ANKRD11: variants seen among roughly 807,000 people sequenced by gnomAD.
ANKRD11 encodes ankyrin repeat domain-containing protein 11.
Under a neutral mutation model 195.7 loss-of-function variants are expected in ANKRD11, and 17 were observed. That is an observed-to-expected ratio of 0.09 (90% CI 0.06 to 0.13). The LOEUF (loss-of-function observed/expected upper bound fraction) is 0.13. Among genes scored for constraint, ANKRD11 ranks in the 10% least tolerant of loss-of-function variants. The pLI is 1.00. For missense variants in ANKRD11, 3,735 were observed against 3,566.1 expected, an observed-to-expected ratio of 1.05 and a Z score of -1.21; for synonymous variants, 1,953 against 1,528.1, an observed-to-expected ratio of 1.28 and a Z score of -6.49.
In ANKRD11 at chr16:89,421,066, CGGAGTCAG is replaced by C. The variant is rs568388611; in HGVS notation, c.-144-2706_-144-2699del. On this transcript the variant is annotated intron_variant, in intron 1 of 12. Coordinates refer to ENST00000301030, the MANE Select transcript of ANKRD11 (RefSeq NM_013275.6). ...GACATGAAGGGTCAGTGTGTGATGA[CGGAGTCAG>C]GGAGTCAGGGATGGGACCATCACCC... 4.7e-3 allele frequency among the ~76,000 whole-genome samples: 714 copies of C among 151,430 alleles called. 7 individuals are homozygous for C. The highest frequency in any genetic ancestry group is 7.3e-3 in the Non-Finnish European group (492 of 67,786).
intron 4 of ANKRD11, among the ~76,000 whole-genome samples, chr16:89,302,330 GCAACCT>G (rs1163410149): frequency 6.6e-6 from 1 of 152,332 alleles, no homozygotes; most frequent in East Asian, 1.9e-4. Flanking sequence ...TTGGCTCACT[GCAACCT>G]CCACCTATTG....
intron 2 of ANKRD11, among the ~76,000 whole-genome samples, chr16:89,382,965 C>A (rs1320312919): frequency 6.6e-6 from 1 of 152,218 alleles, no homozygotes; most frequent in Non-Finnish European, 1.5e-5. Flanking sequence ...CTCAGCCTCC[C>A]GAGGAGCTGG....
At chr16:89,288,350 C>G in intron 7 of ANKRD11, 178 bp downstream of exon 7, 1 of 1,039,760 alleles carries the variant, frequency 9.6e-7, no homozygotes, top group Admixed American at 2.0e-5. Context: ...CAGGCTGACC[C>G]AGAAGGGGAA....
At chr16:89,487,969 T>C (rs552390934) in intron 1 of ANKRD11, among the ~76,000 whole-genome samples, 1 of 151,936 alleles carries the variant, frequency 6.6e-6, no homozygotes, top group African/African-American at 2.4e-5. Context: ...ACTGCTGGTA[T>C]GGGGTGCCCA....
chr16:89,388,969 T>C (rs2041052823), intron 2 of ANKRD11, among the ~76,000 whole-genome samples: 2 of 152,210 alleles, frequency 1.3e-5, no homozygotes. Context: ...TATACAATTA[T>C]CCAGCACATA....
rs752446167 is a variant in ANKRD11 at position 89,282,346 on chromosome 16, G to A, written c.4196C>T (p.Ala1399Val). The change falls in exon 9 of 13, where the codon GCG becomes GTG. Residue 1399 changes from alanine to valine, a missense_variant. Physicochemically the swap from Ala to Val is moderately conservative, Grantham distance 64. Coordinates refer to ENST00000301030, the MANE Select transcript of ANKRD11 (RefSeq NM_013275.6). The stretch of plus-strand genomic sequence containing the variant: ...GTTGTAAGAAACTCCGTAAGCATCC[G>A]CCTCCAGGAAGTCCTTTTCGTACTG... ...SGQYEKDFLE[A>V]DAYGVSYNMK... 47 of 1,613,990 alleles carry A rather than the reference G, an allele frequency of 2.9e-5. No homozygotes were observed. Among genetic ancestry groups the A allele is most frequent in the Non-Finnish European group, 3.6e-5 (43 of 1,180,024 alleles).
intron 2 of ANKRD11, among the ~76,000 whole-genome samples, chr16:89,346,377 A>T (rs1468785013): frequency 6.6e-6 from 1 of 152,236 alleles, no homozygotes; most frequent in Admixed American, 6.5e-5. Flanking sequence ...TACAAGACAG[A>T]AGATCTGAAA....
At chr16:89,453,495 G>A (rs559613221) in intron 1 of ANKRD11, among the ~76,000 whole-genome samples, 5 of 152,266 alleles carry the variant, frequency 3.3e-5, no homozygotes, top group East Asian at 1.9e-4. Flanking sequence ...GCCAAACCAC[G>A]TTTCACAGGA....
chr16:89,285,118 T>C lies in ANKRD11; in HGVS notation c.1424A>G (p.Lys475Arg), dbSNP rs758754366. 1.2e-6 allele frequency: 2 copies of C among 1,613,586 alleles called. No individual in the cohort carries two copies. The highest frequency in any genetic ancestry group is 1.7e-6 in the Non-Finnish European group (2 of 1,180,046). Residue 475 changes from lysine to arginine, a missense_variant, in exon 9 of 13, where the codon AAG becomes AGG. Lys to Arg is a conservative substitution (Grantham distance 26, BLOSUM62 2). Coordinates refer to ENST00000301030, the MANE Select transcript of ANKRD11 (RefSeq NM_013275.6). This position sits in a 1 kb window ranked among gnomAD's most constrained non-coding sequence, Gnocchi z 5.6. ...REVRFGKRSD[K>R]FCSSESESES... ...GCTCTCCGACTCCGAGGAGCAGAAC[T>C]TGTCGCTCCGCTTTCCGAAGCGAAC...
intron 2 of ANKRD11, among the ~76,000 whole-genome samples, chr16:89,389,360 TA>T (rs1411610172): frequency 1.3e-5 from 2 of 151,684 alleles, no homozygotes; most frequent in Non-Finnish European, 2.9e-5. Context: ...TTTTCAAAAA[TA>T]AAAAGTATAT....
chr16:89,430,738 T>C (rs2152269361), intron 1 of ANKRD11, among the ~76,000 whole-genome samples: 1 of 152,336 alleles, frequency 6.6e-6, no homozygotes, highest in Middle Eastern at 3.4e-3. Flanking sequence ...TTCCATTTCA[T>C]TAATGCAACC....
At chr16:89,315,477 C>G (rs1446841446) in intron 3 of ANKRD11, among the ~76,000 whole-genome samples, 2 of 152,206 alleles carry the variant, frequency 1.3e-5, no homozygotes, top group African/African-American at 4.8e-5. Flanking sequence ...CTCAGGAGCT[C>G]AGCAGGACAC....
intron 1 of ANKRD11, among the ~76,000 whole-genome samples, chr16:89,450,920 C>T (rs1482060236): frequency 6.6e-6 from 1 of 152,176 alleles, no homozygotes; most frequent in East Asian, 1.9e-4. Context: ...ATCCTGGTTT[C>T]CATGGGAAGA....
intron 4 of ANKRD11, among the ~76,000 whole-genome samples, chr16:89,294,531 G>T (rs900250002): frequency 6.6e-6 from 1 of 152,256 alleles, no homozygotes; most frequent in Non-Finnish European, 1.5e-5. Flanking sequence ...CAGCAAACTT[G>T]CACGTCTGTC....
At chr16:89,331,545 A>G (rs1334439403) in intron 2 of ANKRD11, among the ~76,000 whole-genome samples, 2 of 152,218 alleles carry the variant, frequency 1.3e-5, no homozygotes, top group East Asian at 1.9e-4. Flanking sequence ...CACATTTAGG[A>G]AAGAGCCTTT....
At chr16:89,377,015 G>A (rs1222049129) in intron 2 of ANKRD11, among the ~76,000 whole-genome samples, 1 of 152,188 alleles carries the variant, frequency 6.6e-6, no homozygotes, top group Non-Finnish European at 1.5e-5. Context: ...CCTTTTTCCG[G>A]ACTGCTTCCA....
intron 2 of ANKRD11, among the ~76,000 whole-genome samples, chr16:89,355,587 A>G (rs531387090): frequency 7.9e-5 from 12 of 152,286 alleles, no homozygotes; most frequent in African/African-American, 2.9e-4. Context: ...GAGTATCACA[A>G]CCAACTCAAA....
chr16:89,434,933 A>C (rs932958681), intron 1 of ANKRD11, among the ~76,000 whole-genome samples: 4 of 152,236 alleles, frequency 2.6e-5, no homozygotes, highest in Non-Finnish European at 4.4e-5. Context: ...GCGGATGGCT[A>C]GGTGAAGCAG....
rs746235129 is a variant in ANKRD11 at position 89,279,979 on chromosome 16, G to A, written c.6563C>T (p.Pro2188Leu). ...GGAGGCCTGGTCAGGAGGCAGTGCC[G>A]GCGGCTCCTCAGCCACTACGGTGGA... The part of the protein sequence containing the change: ...DVSTVVAEEP[P>L]ALPPDQASTR... The change falls in exon 9 of 13, where the codon CCG (proline) becomes CTG (leucine). Residue 2188 changes from proline (P) to leucine (L), a missense_variant. Coordinates refer to ENST00000301030, the MANE Select transcript of ANKRD11 (RefSeq NM_013275.6). This position sits in a 1 kb window ranked among gnomAD's most constrained non-coding sequence, Gnocchi z 5.6. 21 of 1,610,942 alleles carry A rather than the reference G, an allele frequency of 1.3e-5. No individual in the cohort carries two copies. Among genetic ancestry groups the A allele is most frequent in the Non-Finnish European group, 1.6e-5 (19 of 1,179,896 alleles).
Sources: allele counts gnomAD v4.1 joint callset (sites outside exome capture counted in the v4.1 genomes callset), GRCh38; gene constraint gnomAD v4.1.1; non-coding constraint Gnocchi (gnomAD v3.1); transcripts MANE v1.5; gene names NCBI Gene and HGNC (gene_info 2026-07-23, HGNC 2026-07-21).